UGT2B15: variants seen among roughly 807,000 people sequenced by gnomAD.
UGT2B15 encodes UDP glucuronosyltransferase family 2 member B15.
In UGT2B15, 36 loss-of-function variants were observed where a neutral mutation model predicts 45.9. The observed-to-expected ratio is 0.78, with a 90% CI of 0.60 to 1.04. The LOEUF (loss-of-function observed/expected upper bound fraction) is 1.04. Ranked by LOEUF, UGT2B15 falls within the 50% of genes least tolerant of loss-of-function variation. UGT2B15 has a pLI of 0.00. For synonymous variants in UGT2B15, 219 were observed against 216.4 expected, an observed-to-expected ratio of 1.01 and a Z score of -0.11; for missense variants, 617 against 622.4, an observed-to-expected ratio of 0.99 and a Z score of 0.09.
rs1732730565 is a variant in UGT2B15, at chr4:68,654,069, G to T, written c.1281C>A (p.Leu427=). Residue 427 remains leucine, a synonymous_variant, in exon 5 of 6, where the codon CTC becomes CTA. Coordinates refer to ENST00000338206, the MANE Select transcript of UGT2B15 (RefSeq NM_001076.4). ...CATTAATGACTGACTTCAATGCATT[G>T]AGCAAATCTCTACTTGACATGGTCC... is the stretch of plus-strand genomic sequence containing the variant. ...DIRTMSSRDL[L]NALKSVINDP... 1.2e-6 allele frequency: 2 copies of T among 1,613,406 alleles called. No individual in the cohort carries two copies. Among genetic ancestry groups the T allele is most frequent in the East Asian group, 2.2e-5 (1 of 44,890 alleles).
At chr4:68,647,962 T>C (rs1732531847) in intron 5 of UGT2B15, among the ~76,000 whole-genome samples, 1 of 152,038 alleles carries the variant, frequency 6.6e-6, no homozygotes, top group Non-Finnish European at 1.5e-5. Flanking sequence ...AGTCAAGTCA[T>C]TCTCCTGCCT....
chr4:68,666,406 G>A (rs1439945006), intron 2 of UGT2B15, among the ~76,000 whole-genome samples: 2 of 152,052 alleles, frequency 1.3e-5, no homozygotes, highest in Non-Finnish European at 2.9e-5. Context: ...TAAAAATAAT[G>A]ACTGAAATAA....
chr4:68,649,373 G>A (rs1475300639), intron 5 of UGT2B15, among the ~76,000 whole-genome samples: 4 of 147,876 alleles, frequency 2.7e-5, no homozygotes, highest in African/African-American at 1.0e-4. Context: ...GCATCTCCTG[G>A]GTTCAAGTGA....
intron 1 of UGT2B15, among the ~76,000 whole-genome samples, chr4:68,668,531 C>T (rs949119313): frequency 1.6e-4 from 24 of 151,674 alleles, no homozygotes; most frequent in Non-Finnish European, 2.9e-4. Flanking sequence ...CTCCTCTCAT[C>T]TTGAATTATA....
At position 68,670,285 on chromosome 4, in the gene UGT2B15, G is replaced by A; in HGVS notation, c.334C>T (p.Gln112Ter). 2 of 1,614,052 alleles carry A rather than the reference G, an allele frequency of 1.2e-6. No individual in the cohort carries two copies. Among genetic ancestry groups the A allele is most frequent in the Non-Finnish European group, 1.7e-6 (2 of 1,179,988 alleles). ...TATTCCCAACACAATTCTTGTAATT[G>A]TGAAAAATATGACCAAAATGTATTT... ...SKNTFWSYFS[Q>*]LQELCWEYYD... The change falls in exon 1 of 6, where the codon CAA becomes TAA. Residue 112 changes from glutamine to a stop codon, truncating the protein, a stop_gained. Coordinates refer to ENST00000338206, the MANE Select transcript of UGT2B15 (RefSeq NM_001076.4). LOFTEE classifies it high-confidence loss of function.
chr4:68,661,144 T>C (rs1381859492), intron 3 of UGT2B15, among the ~76,000 whole-genome samples: 1 of 151,988 alleles, frequency 6.6e-6, no homozygotes. Context: ...AAATGCTTTC[T>C]CCAAAAGATT....
At position 68,655,059 on chromosome 4, in the gene UGT2B15, A is replaced by T. The variant is rs370290300; in HGVS notation, c.1093+36T>A. On this transcript the variant is annotated intron_variant, in intron 4 of 5. Transcript: ENST00000338206. ...ACTATTATCACTCCAATTTGCTGTT[A>T]CTAATATATTCACTGTTTGTTCTCC... The T allele has an allele frequency of 3.1e-4, 490 of 1,597,288 alleles. 9 individuals carry two copies. The South Asian group carries it at 4.5e-3, about 15-fold the overall frequency.
Position 68,670,189 on chromosome 4 carries a change from A to G in UGT2B15, c.430T>C (p.Ser144Pro). The G allele has an allele frequency of 6.2e-7, 1 of 1,613,868 alleles. No individual in the cohort carries two copies. The highest frequency in any genetic ancestry group is 8.5e-7 in the Non-Finnish European group (1 of 1,179,942). The change falls in exon 1 of 6, where the codon TCA (serine) becomes CCA (proline). Residue 144 changes from serine to proline, a missense_variant. This residue lies in a region of UGT2B15 where 351 missense variants were observed against 342.1 expected (regional missense o/e 1.03). Transcript: ENST00000338206. ...NKKLMMKLQE[S>P]KFDVILADAL... is the part of the protein sequence containing the mutation. ...TCTGCCAGAATGACATCAAACTTTG[A>G]CTCTTGTAGTTTCATCATAAGTTTC...
At chr4:68,651,111 C>T (rs1732642059) in intron 5 of UGT2B15, among the ~76,000 whole-genome samples, 1 of 151,342 alleles carries the variant, frequency 6.6e-6, no homozygotes. Flanking sequence ...TGCCTGTTCC[C>T]TCTGACGATA....
intron 3 of UGT2B15, among the ~76,000 whole-genome samples, chr4:68,659,869 T>A (rs1178482201): frequency 6.6e-6 from 1 of 151,340 alleles, no homozygotes; most frequent in African/African-American, 2.4e-5. Context: ...TGGACTGAAA[T>A]AATAAAAAAC....
At chr4:68,649,182 A>C (rs769794869) in intron 5 of UGT2B15, among the ~76,000 whole-genome samples, 1 of 151,556 alleles carries the variant, frequency 6.6e-6, no homozygotes. Flanking sequence ...ACTAGAACAT[A>C]TAATTTTTAT....
At position 68,670,066 on chromosome 4, in the gene UGT2B15, C is replaced by A. The variant is rs763788703; in HGVS notation, c.553G>T (p.Gly185Cys). The A allele has an allele frequency of 1.9e-5, 31 of 1,613,916 alleles. No individual in the cohort carries two copies. In the Middle Eastern group the frequency reaches 4.9e-4, roughly 26 times the overall value. ...FSVGYTFEKN[G>C]GGFLFPPSYV... ...GAAGGAGGGAACAGAAATCCTCCAC[C>A]ATTCTTCTCAAATGTGTAGCCAACA... The change falls in exon 1 of 6, where the codon GGT becomes TGT. Residue 185 changes from glycine (G) to cysteine (C), a missense_variant. Around this residue, in one of 3 missense-constraint regions of UGT2B15, gnomAD observed 351 missense variants for 342.1 expected, o/e 1.03. Transcript: ENST00000338206.
At position 68,646,997 on chromosome 4, in the gene UGT2B15, A is replaced by T; in HGVS notation, c.*107T>A. The stretch of plus-strand genomic sequence containing the variant: ...TGTCTTAACAAGGTAAGTTGTGAAA[A>T]GATGTTTTGTCACAGGAAAAAGGAA... On this transcript the variant is annotated 3_prime_UTR_variant, in exon 6 of 6. Coordinates refer to ENST00000338206, the MANE Select transcript of UGT2B15 (RefSeq NM_001076.4). 1 of 1,491,446 alleles carries T rather than the reference A, an allele frequency of 6.7e-7. No individual in the cohort carries two copies. The highest frequency in any genetic ancestry group is 2.3e-5 in the Admixed American group (1 of 44,222). 92.4% of individuals were successfully genotyped at this position (1,491,446 alleles called of 1,614,324 possible).
Position 68,647,330 on chromosome 4 carries a change from T to C in UGT2B15, c.1367A>G (p.Lys456Arg), listed in dbSNP as rs369020040. The change falls in exon 6 of 6, where the codon AAG becomes AGG. Residue 456 changes from lysine to arginine, a missense_variant. By Grantham distance (26) the Lys-to-Arg change is conservative. Coordinates refer to ENST00000338206, the MANE Select transcript of UGT2B15 (RefSeq NM_001076.4). ...LSRIHHDQPM[K>R]PLDRAVFWIE... ...CCAGAAGACTGCTCGATCCAGGGGC[T>C]TCATTGGTTGGTCATGATGAATTCT... 1.5e-5 allele frequency: 25 copies of C among 1,613,714 alleles called. No individual in the cohort carries two copies. Among genetic ancestry groups the C allele is most frequent in the Non-Finnish European group, 2.1e-5 (25 of 1,179,786 alleles).
At chr4:68,666,641 T>C (rs1341274648) in intron 2 of UGT2B15, among the ~76,000 whole-genome samples, 2 of 151,760 alleles carry the variant, frequency 1.3e-5, no homozygotes, top group Non-Finnish European at 2.9e-5. Flanking sequence ...ATTGGGATTT[T>C]TTAAAAGGAA....
intron 5 of UGT2B15, among the ~76,000 whole-genome samples, chr4:68,647,702 C>G (rs1355496115): frequency 6.6e-6 from 1 of 151,836 alleles, no homozygotes; most frequent in Non-Finnish European, 1.5e-5. Flanking sequence ...TGAGAATGAT[C>G]TTTTTGATCT....
chr4:68,663,496 T>C (rs1049682054), intron 2 of UGT2B15, among the ~76,000 whole-genome samples: 46 of 152,148 alleles, frequency 3.0e-4, no homozygotes, highest in African/African-American at 6.8e-4. Context: ...GTAGCTTTAC[T>C]TGGCTTCAAT....
intron 2 of UGT2B15, among the ~76,000 whole-genome samples, chr4:68,663,516 T>A (rs1733025047): frequency 6.6e-6 from 1 of 152,156 alleles, no homozygotes; most frequent in African/African-American, 2.4e-5. Flanking sequence ...TTCTAATTTT[T>A]TTTGTGGTTC....
intron 2 of UGT2B15, among the ~76,000 whole-genome samples, chr4:68,663,894 C>G (rs145624539): frequency 0.088 from 13,421 of 151,880 alleles, 797 homozygotes; most frequent in East Asian, 0.27. Flanking sequence ...GTATTATATA[C>G]TATATAGTTA....
Sources: gnomAD v4.1 joint callset for allele counts (sites outside exome capture counted in the v4.1 genomes callset) on GRCh38, gnomAD v4.1.1 for gene constraint, gnomAD v4.1.1 regional missense constraint, MANE v1.5 for transcripts, NCBI Gene and HGNC (gene_info 2026-07-23, HGNC 2026-07-21) for gene names.